The following ZNF385B variants were observed in gnomAD, a reference collection of about 807,000 sequenced individuals.
The protein encoded by ZNF385B is zinc finger protein 385B, also known as zinc finger protein 533.
Under a neutral mutation model 39.2 loss-of-function variants are expected in ZNF385B, and 23 were observed. The ratio of observed to expected loss-of-function variants is 0.59; its 90% CI spans 0.42 to 0.83. The LOEUF (loss-of-function observed/expected upper bound fraction) is 0.83, where lower values mean the gene tolerates loss of function less well. Among genes scored for constraint, ZNF385B ranks in the 40% least tolerant of loss-of-function variants. The pLI, the probability that ZNF385B is intolerant of heterozygous loss-of-function variation, is 0.00. For synonymous variants in ZNF385B, 205 were observed against 222.6 expected (o/e 0.92, Z 0.70); for missense variants, 552 against 598.9 (o/e 0.92, Z 0.82).
At chr2:179,481,859 T>C (rs1450856764) in intron 6 of ZNF385B, among the ~76,000 whole-genome samples, 3 of 152,190 alleles carry the variant, frequency 2.0e-5, no homozygotes, top group Non-Finnish European at 4.4e-5. Context: ...CCACATTGTG[T>C]ACCTCACCAG....
chr2:179,853,456 A>G (rs536035437), intron 1 of ZNF385B, among the ~76,000 whole-genome samples: 3 of 152,352 alleles, frequency 2.0e-5, no homozygotes, highest in Non-Finnish European at 2.9e-5. Flanking sequence ...CATGGTTACA[A>G]ATTTTCAGAA....
chr2:179,713,320 C>G (rs937358825), intron 3 of ZNF385B, among the ~76,000 whole-genome samples: 2 of 152,178 alleles, frequency 1.3e-5, no homozygotes, highest in Non-Finnish European at 2.9e-5. Flanking sequence ...TACATCATTT[C>G]TGACTCCTGT....
chr2:179,621,192 G>A (rs955184342), intron 3 of ZNF385B, among the ~76,000 whole-genome samples: 1 of 152,048 alleles, frequency 6.6e-6, no homozygotes, highest in Non-Finnish European at 1.5e-5. Context: ...TGCAATTGAG[G>A]AAATCTAGCA....
chr2:179,444,858 C>G lies in ZNF385B; in HGVS notation c.1242+18G>C, dbSNP rs753677755. On this transcript the variant is annotated intron_variant, in intron 9 of 9. Transcript: ENST00000410066. ...AAGGCTGCCCCACAAAACAGGTGAG[C>G]AGGTGAGGTAAACTTACTGCTAGAA... The G allele has an allele frequency of 6.2e-7, 1 of 1,605,668 alleles. No homozygotes were observed. Among genetic ancestry groups the G allele is most frequent in the South Asian group, 1.1e-5 (1 of 90,864 alleles).
intron 3 of ZNF385B, among the ~76,000 whole-genome samples, chr2:179,695,508 C>A (rs372071606): frequency 6.0e-4 from 91 of 151,720 alleles, no homozygotes; most frequent in African/African-American, 2.1e-3. Flanking sequence ...AATAAAAAAA[C>A]CAAAAAGTAC....
At chr2:179,770,212 G>C (rs1486975901) in intron 2 of ZNF385B, among the ~76,000 whole-genome samples, 2 of 152,130 alleles carry the variant, frequency 1.3e-5, no homozygotes, top group Non-Finnish European at 2.9e-5. Context: ...ATCAGAGTAT[G>C]CATTTCTTAG....
intron 4 of ZNF385B, among the ~76,000 whole-genome samples, chr2:179,524,132 A>G (rs2058703761): frequency 6.6e-6 from 1 of 152,108 alleles, no homozygotes; most frequent in Non-Finnish European, 1.5e-5. Context: ...ATCTTACCTT[A>G]AACTTAACGA....
chr2:179,539,041 T>C (rs960960261), intron 4 of ZNF385B, among the ~76,000 whole-genome samples: 1 of 152,244 alleles, frequency 6.6e-6, no homozygotes, highest in African/African-American at 2.4e-5. Context: ...TGTCACATCA[T>C]GTAAGTTGGG....
At chr2:179,560,974 C>T (rs1209877840) in intron 3 of ZNF385B, among the ~76,000 whole-genome samples, 1 of 152,136 alleles carries the variant, frequency 6.6e-6, no homozygotes, top group Non-Finnish European at 1.5e-5. Flanking sequence ...ACGGTATCTG[C>T]CATACATGTG....
intron 3 of ZNF385B, among the ~76,000 whole-genome samples, chr2:179,652,302 C>T (rs1256074898): frequency 6.6e-6 from 1 of 152,088 alleles, no homozygotes; most frequent in Non-Finnish European, 1.5e-5. Flanking sequence ...CCAATGATGT[C>T]TAAAAACATA....
intron 1 of ZNF385B, among the ~76,000 whole-genome samples, chr2:179,783,979 C>A (rs1257542137): frequency 6.6e-6 from 1 of 152,024 alleles, no homozygotes; most frequent in Non-Finnish European, 1.5e-5. Flanking sequence ...TGGGTATATA[C>A]CAAAAGGAAT....
intron 3 of ZNF385B, among the ~76,000 whole-genome samples, chr2:179,564,588 C>G (rs912327915): frequency 6.6e-6 from 1 of 152,144 alleles, no homozygotes; most frequent in Non-Finnish European, 1.5e-5. Context: ...TTTAGAGTAG[C>G]CTACCCTTCC....
chr2:179,778,124 T>G (rs954433125), intron 1 of ZNF385B, among the ~76,000 whole-genome samples: 2 of 152,212 alleles, frequency 1.3e-5, no homozygotes, highest in Non-Finnish European at 2.9e-5. Context: ...CCAAAATGTG[T>G]ATACGGTATA....
intron 5 of ZNF385B, among the ~76,000 whole-genome samples, chr2:179,500,794 G>A (rs888167838): frequency 3.3e-5 from 5 of 152,066 alleles, no homozygotes; most frequent in Non-Finnish European, 5.9e-5. Flanking sequence ...AATCAATAAA[G>A]TGAAGAGACA....
chr2:179,532,881 T>C (rs2059338756), intron 4 of ZNF385B, among the ~76,000 whole-genome samples: 1 of 152,186 alleles, frequency 6.6e-6, no homozygotes, highest in Non-Finnish European at 1.5e-5. Flanking sequence ...GGTTAAAAGC[T>C]GGCCTCTGGA....
chr2:179,769,656 A>G lies in ZNF385B; in HGVS notation c.145T>C (p.Ser49Pro). The change falls in exon 3 of 10, where the codon TCC (serine) becomes CCC (proline). Residue 49 changes from serine to proline, a missense_variant. Transcript: ENST00000410066. ...LSKEKKKILF[S>P]FCEVCNIQLN... ...TGGATGTTGCACACCTCACAGAAGG[A>G]GAAAAGAATTTTCTTTTTCTCTTTG... 1 of 1,614,162 alleles carries G rather than the reference A, an allele frequency of 6.2e-7. No homozygotes were observed. Among genetic ancestry groups the G allele is most frequent in the East Asian group, 2.2e-5 (1 of 44,872 alleles).
At chr2:179,834,266 TAGA>T (rs750460551) in intron 1 of ZNF385B, among the ~76,000 whole-genome samples, 5 of 152,126 alleles carry the variant, frequency 3.3e-5, no homozygotes, top group African/African-American at 4.8e-5. Flanking sequence ...CACTCCCCAT[TAGA>T]AGAAGCCAGA....
chr2:179,642,491 A>T (rs905227321), intron 3 of ZNF385B, among the ~76,000 whole-genome samples: 5 of 152,094 alleles, frequency 3.3e-5, no homozygotes, highest in African/African-American at 4.8e-5. Flanking sequence ...TTTCTATATT[A>T]ATCTTAGTTA....
intron 6 of ZNF385B, among the ~76,000 whole-genome samples, chr2:179,479,752 T>C (rs1379287442): frequency 6.6e-6 from 1 of 152,010 alleles, no homozygotes; most frequent in Non-Finnish European, 1.5e-5. Flanking sequence ...GGCATGAGAA[T>C]TGCTTGAATG....
Sources: allele counts gnomAD v4.1 joint callset (sites outside exome capture counted in the v4.1 genomes callset), GRCh38; gene constraint gnomAD v4.1.1; transcripts MANE v1.5; gene names NCBI Gene and HGNC (gene_info 2026-07-23, HGNC 2026-07-21).